MB21D2: variants seen among roughly 807,000 people sequenced by gnomAD.
The protein encoded by MB21D2 is Mab-21 domain containing 2.
A neutral mutation model predicts 33.3 loss-of-function variants in MB21D2; 9 were observed. That is an observed-to-expected ratio of 0.27 (90% CI 0.16 to 0.47). The LOEUF (loss-of-function observed/expected upper bound fraction) is 0.47, where lower values mean the gene tolerates loss of function less well. Among genes scored for constraint, MB21D2 ranks in the 20% least tolerant of loss-of-function variants. MB21D2 has a pLI of 0.99. For synonymous variants in MB21D2, 241 were observed against 236.3 expected (o/e 1.02, Z -0.18); for missense variants, 540 against 624.6 (o/e 0.86, Z 1.44).
chr3:192,847,107 G>A (rs1187317601), intron 1 of MB21D2, among the ~76,000 whole-genome samples: 2 of 152,128 alleles, frequency 1.3e-5, no homozygotes, highest in African/African-American at 4.8e-5. Flanking sequence ...TCCAGGTCAA[G>A]GGAGCTGTAA....
intron 1 of MB21D2, among the ~76,000 whole-genome samples, chr3:192,868,941 T>C (rs1030587926): frequency 1.3e-5 from 2 of 152,174 alleles, no homozygotes; most frequent in African/African-American, 4.8e-5. Context: ...ACTATGTCCA[T>C]GAAATAATAC....
chr3:192,845,104 G>A (rs1165823997), intron 1 of MB21D2, among the ~76,000 whole-genome samples: 1 of 152,184 alleles, frequency 6.6e-6, no homozygotes, highest in African/African-American at 2.4e-5. Context: ...TGTATTCATT[G>A]TCTCACTTCC....
intron 1 of MB21D2, among the ~76,000 whole-genome samples, chr3:192,905,146 G>A (rs746458798): frequency 1.3e-5 from 2 of 152,338 alleles, no homozygotes; most frequent in Admixed American, 6.5e-5. Flanking sequence ...GCCTAAAACA[G>A]TGCTTACAGC....
chr3:192,855,332 C>T (rs890335047), intron 1 of MB21D2, among the ~76,000 whole-genome samples: 7 of 152,150 alleles, frequency 4.6e-5, no homozygotes, highest in African/African-American at 1.2e-4. Flanking sequence ...CTCCTGGCCT[C>T]GTGATCTGCC....
At chr3:192,829,045 C>T (rs1341918674) in intron 1 of MB21D2, among the ~76,000 whole-genome samples, 1 of 152,078 alleles carries the variant, frequency 6.6e-6, no homozygotes, top group Non-Finnish European at 1.5e-5. Context: ...TCCATCACCC[C>T]AAAAAGTTTT....
intron 1 of MB21D2, among the ~76,000 whole-genome samples, chr3:192,800,975 G>A (rs1055456220): frequency 2.6e-5 from 4 of 152,150 alleles, no homozygotes; most frequent in Admixed American, 6.5e-5. Context: ...AATTGTATAC[G>A]TTTCTGATTA....
chr3:192,894,639 T>C (rs2108648552), intron 1 of MB21D2, among the ~76,000 whole-genome samples: 1 of 151,650 alleles, frequency 6.6e-6, no homozygotes, highest in East Asian at 1.9e-4. Flanking sequence ...TAACACAGTG[T>C]CATTTTTTTT....
intron 1 of MB21D2, among the ~76,000 whole-genome samples, chr3:192,879,869 C>T (rs1014572787): frequency 1.3e-5 from 2 of 152,128 alleles, no homozygotes; most frequent in African/African-American, 4.8e-5. Flanking sequence ...TGCCCAAGGC[C>T]AAATTCCTCA....
intron 1 of MB21D2, among the ~76,000 whole-genome samples, chr3:192,810,273 T>C (rs6444659): frequency 0.54 from 82,544 of 151,956 alleles, 22,854 homozygotes; most frequent in African/African-American, 0.62. Flanking sequence ...TAAGAGATAA[T>C]GCTCCTTGTA....
chr3:192,807,598 G>A (rs1193289014), intron 1 of MB21D2, among the ~76,000 whole-genome samples: 3 of 152,144 alleles, frequency 2.0e-5, no homozygotes, highest in Admixed American at 6.5e-5. Context: ...CTGGAAAGCT[G>A]TGTTTAATTG....
chr3:192,834,517 C>T (rs1432204399), intron 1 of MB21D2, among the ~76,000 whole-genome samples: 1 of 151,778 alleles, frequency 6.6e-6, no homozygotes, highest in Non-Finnish European at 1.5e-5. Flanking sequence ...CTCCTCTTTG[C>T]ACATGCTGTT....
chr3:192,829,497 T>C (rs936487238), intron 1 of MB21D2, among the ~76,000 whole-genome samples: 1 of 152,240 alleles, frequency 6.6e-6, no homozygotes, highest in Non-Finnish European at 1.5e-5. Context: ...CTACCAGCCA[T>C]GTATGGACCG....
chr3:192,901,824 T>A (rs1434611419), intron 1 of MB21D2, among the ~76,000 whole-genome samples: 7 of 152,076 alleles, frequency 4.6e-5, no homozygotes, highest in African/African-American at 1.7e-4. Flanking sequence ...ATAGATCTGC[T>A]CCCCCATTAT....
chr3:192,830,570 C>T (rs1712294067), intron 1 of MB21D2, among the ~76,000 whole-genome samples: 1 of 152,160 alleles, frequency 6.6e-6, no homozygotes, highest in Non-Finnish European at 1.5e-5. Flanking sequence ...CTCTGTTTCT[C>T]TGGTTACTTC....
rs1469321895 is a variant in MB21D2, at chr3:192,810,074, T to C, written c.212-10424A>G. On this transcript the variant is annotated intron_variant, in intron 1 of 1. Transcript: ENST00000392452. ...GCCAGGAACATGACTGCCAAAAACA[T>C]ACTAACCACAAGGCCAGAAACTTTT... is the stretch of plus-strand genomic sequence containing the variant. Among the ~76,000 whole-genome samples, 4 of 152,198 alleles carry C rather than the reference T, an allele frequency of 2.6e-5. No homozygotes were observed. The East Asian group carries it at 5.8e-4, about 22-fold the overall frequency.
chr3:192,914,421 C>T (rs1466762758), intron 1 of MB21D2, among the ~76,000 whole-genome samples: 1 of 152,130 alleles, frequency 6.6e-6, no homozygotes, highest in Non-Finnish European at 1.5e-5. Flanking sequence ...CCCTTTTCTG[C>T]ATCTGTTCAA....
At chr3:192,872,508 G>A (rs919344373) in intron 1 of MB21D2, among the ~76,000 whole-genome samples, 6 of 151,320 alleles carry the variant, frequency 4.0e-5, no homozygotes, top group African/African-American at 4.9e-5. Context: ...CCCGGGAGGC[G>A]GAGCTTGCAG....
intron 1 of MB21D2, among the ~76,000 whole-genome samples, chr3:192,903,358 G>C (rs892082548): frequency 6.6e-6 from 1 of 152,146 alleles, no homozygotes; most frequent in Non-Finnish European, 1.5e-5. Context: ...AACGGAGGAG[G>C]GAGGAAGTCA....
At chr3:192,875,069 C>G (rs750091976) in intron 1 of MB21D2, among the ~76,000 whole-genome samples, 1 of 151,922 alleles carries the variant, frequency 6.6e-6, no homozygotes, top group Non-Finnish European at 1.5e-5. Flanking sequence ...TGCCACCTAT[C>G]TTCTACTGAG....
Sources: allele counts gnomAD v4.1 joint callset (sites outside exome capture counted in the v4.1 genomes callset), GRCh38; gene constraint gnomAD v4.1.1; transcripts MANE v1.5; gene names NCBI Gene and HGNC (gene_info 2026-07-23, HGNC 2026-07-21).